Variants in CSMD3 observed in about 807,000 individuals in gnomAD.
CSMD3 encodes CUB and Sushi multiple domains 3.
A neutral mutation model predicts 435.2 loss-of-function variants in CSMD3; 177 were observed. That is an observed-to-expected ratio of 0.41 (90% CI 0.36 to 0.46). The LOEUF is 0.46. CSMD3 is among the 20% of genes least tolerant of loss of function. The pLI is 0.34. For missense variants in CSMD3, 4,265 were observed against 4,504.6 expected (o/e 0.95, Z 1.52); for synonymous variants, 1,656 against 1,520.5 (o/e 1.09, Z -2.07).
chr8:112,646,410 G>T (rs2074981973), intron 19 of CSMD3, among the ~76,000 whole-genome samples: 2 of 152,106 alleles, frequency 1.3e-5, no homozygotes, highest in Non-Finnish European at 2.9e-5. Flanking sequence ...CTGCGTGTTT[G>T]TGTGTGTGTA....
intron 27 of CSMD3, among the ~76,000 whole-genome samples, chr8:112,544,519 T>C (rs1826977242): frequency 6.6e-6 from 1 of 152,198 alleles, no homozygotes. Flanking sequence ...AAATGATCAG[T>C]GCATGATTTT....
chr8:112,339,709 T>G (rs1420404882), intron 42 of CSMD3, among the ~76,000 whole-genome samples: 1 of 152,152 alleles, frequency 6.6e-6, no homozygotes, highest in Non-Finnish European at 1.5e-5. Context: ...TACTCTAAAT[T>G]GTACAGTATA....
chr8:112,498,268 G>A (rs1048248404), intron 30 of CSMD3, among the ~76,000 whole-genome samples: 1 of 152,048 alleles, frequency 6.6e-6, no homozygotes, highest in Non-Finnish European at 1.5e-5. Context: ...ACCTACTCAT[G>A]AGGTCTAATC....
At chr8:113,087,255 T>C (rs1265289428) in intron 5 of CSMD3, among the ~76,000 whole-genome samples, 1 of 152,120 alleles carries the variant, frequency 6.6e-6, no homozygotes, top group Non-Finnish European at 1.5e-5. Context: ...GTAGGAAGAA[T>C]CAATATCGTG....
chr8:112,527,956 A>T (rs1825142189), intron 27 of CSMD3, among the ~76,000 whole-genome samples: 1 of 152,118 alleles, frequency 6.6e-6, no homozygotes, highest in Non-Finnish European at 1.5e-5. Flanking sequence ...CTTTCTCAGA[A>T]GAGAATTTAG....
intron 57 of CSMD3, among the ~76,000 whole-genome samples, chr8:112,287,583 G>A (rs1819335315): frequency 6.6e-6 from 1 of 152,034 alleles, no homozygotes; most frequent in Admixed American, 6.6e-5. Flanking sequence ...AATGACAACA[G>A]ACTCATAAAA....
chr8:113,229,180 A>G (rs2093058521), intron 3 of CSMD3, among the ~76,000 whole-genome samples: 1 of 151,682 alleles, frequency 6.6e-6, no homozygotes, highest in Non-Finnish European at 1.5e-5. Flanking sequence ...TGGGCATTAT[A>G]GTTACATATG....
intron 3 of CSMD3, 117 bp downstream of exon 3, chr8:113,278,475 A>G: frequency 1.5e-6 from 1 of 672,752 alleles, no homozygotes; most frequent in Non-Finnish European, 2.8e-6. Context: ...GATAAATTTC[A>G]GGACAAGATT....
chr8:112,410,673 T>G, intron 32 of CSMD3, among the ~76,000 whole-genome samples: 1 of 111,020 alleles, frequency 9.0e-6, no homozygotes, highest in South Asian at 3.0e-4. Flanking sequence ...TATATATATA[T>G]GTGTATATAT....
intron 6 of CSMD3, among the ~76,000 whole-genome samples, chr8:112,982,820 A>G (rs993347273): frequency 1.3e-5 from 2 of 151,992 alleles, no homozygotes; most frequent in East Asian, 3.9e-4. Flanking sequence ...AAAGTTTTGT[A>G]TTTAATTAAT....
intron 13 of CSMD3, among the ~76,000 whole-genome samples, chr8:112,695,844 G>A (rs1391385171): frequency 2.0e-5 from 3 of 152,166 alleles, no homozygotes; most frequent in African/African-American, 7.2e-5. Flanking sequence ...CATCGTCTCA[G>A]CCCAAAATCT....
At chr8:113,134,626 T>C (rs963762229) in intron 4 of CSMD3, among the ~76,000 whole-genome samples, 1 of 151,946 alleles carries the variant, frequency 6.6e-6, no homozygotes, top group Non-Finnish European at 1.5e-5. Flanking sequence ...CATACACACA[T>C]ATGAAATATT....
At position 112,241,710 on chromosome 8, in the gene CSMD3, C is replaced by T. The variant is rs759695098; in HGVS notation, c.10468+10G>A. On this transcript the variant is annotated intron_variant, in intron 66 of 70. Coordinates refer to ENST00000297405, the MANE Select transcript of CSMD3 (RefSeq NM_198123.2). ...TAATGAACTCTAGAAAAACAAATGA[C>T]ATTACTAACCACTTAGCTTTGGGCT... 7 of 1,598,256 alleles carry T rather than the reference C, an allele frequency of 4.4e-6. No homozygotes were observed. In the South Asian group the frequency reaches 5.5e-5, roughly 13 times the overall value.
At chr8:113,121,999 AT>A (rs1461583011) in intron 4 of CSMD3, among the ~76,000 whole-genome samples, 3 of 152,108 alleles carry the variant, frequency 2.0e-5, no homozygotes, top group Non-Finnish European at 4.4e-5. Context: ...TAGTTTTGAT[AT>A]TTTGTGTTCA....
At chr8:113,140,993 A>T (rs143105763) in intron 4 of CSMD3, among the ~76,000 whole-genome samples, 4 of 150,974 alleles carry the variant, frequency 2.6e-5, no homozygotes, top group African/African-American at 9.7e-5. Context: ...TTATTGACAT[A>T]AGGAATGGAA....
intron 15 of CSMD3, 24 bp downstream of exon 15, chr8:112,685,382 A>G (rs749635006): frequency 1.3e-5 from 20 of 1,582,950 alleles, no homozygotes; most frequent in Non-Finnish European, 1.6e-5. Context: ...ATTATATGGG[A>G]AAAAAACAGA....
At chr8:112,534,240 T>C (rs552736072) in intron 27 of CSMD3, among the ~76,000 whole-genome samples, 1 of 152,058 alleles carries the variant, frequency 6.6e-6, no homozygotes, top group East Asian at 1.9e-4. Flanking sequence ...CAGGAGCTGG[T>C]TTTTTGAAAG....
At chr8:112,996,640 C>G (rs1362939404) in intron 6 of CSMD3, among the ~76,000 whole-genome samples, 2 of 151,512 alleles carry the variant, frequency 1.3e-5, no homozygotes, top group African/African-American at 4.8e-5. Context: ...TTTGAGACAC[C>G]TGTTTCAAGC....
chr8:113,009,743 C>A (rs927774888), intron 6 of CSMD3, among the ~76,000 whole-genome samples: 2 of 151,744 alleles, frequency 1.3e-5, no homozygotes, highest in South Asian at 4.1e-4. Context: ...TTTCAACAAA[C>A]ATGCACTGAG....
Sources: allele counts gnomAD v4.1 joint callset (sites outside exome capture counted in the v4.1 genomes callset), GRCh38; gene constraint gnomAD v4.1.1; transcripts MANE v1.5; gene names NCBI Gene and HGNC (gene_info 2026-07-23, HGNC 2026-07-21).